The following DOCK3 variants were observed in gnomAD, a reference collection of about 807,000 sequenced individuals.
The protein encoded by DOCK3 is dedicator of cytokinesis protein 3.
In DOCK3, 60 loss-of-function variants were observed where a neutral mutation model predicts 265.6. The observed-to-expected ratio is 0.23, with a 90% confidence interval of 0.18 to 0.28. The LOEUF (loss-of-function observed/expected upper bound fraction) is 0.28, where lower values mean the gene tolerates loss of function less well. Ranked by LOEUF, DOCK3 falls within the 10% of genes least tolerant of loss-of-function variation. The pLI, the probability that DOCK3 is intolerant of heterozygous loss-of-function variation, is 1.00. For synonymous variants in DOCK3, 881 were observed against 938.0 expected (o/e 0.94, Z 1.11); for missense variants, 1,981 against 2,594.3 (o/e 0.76, Z 5.14).
At chr3:50,878,342 A>G (rs1255692465) in intron 3 of DOCK3, among the ~76,000 whole-genome samples, 3 of 152,222 alleles carry the variant, frequency 2.0e-5, no homozygotes, top group African/African-American at 7.2e-5. Context: ...GAGCTAAAGG[A>G]GGATATTTGA....
At chr3:51,194,544 C>G (rs1349013549) in intron 12 of DOCK3, among the ~76,000 whole-genome samples, 1 of 152,076 alleles carries the variant, frequency 6.6e-6, no homozygotes, top group South Asian at 2.1e-4. Context: ...TTATCTCTCT[C>G]TTTAGCTTTA....
intron 31 of DOCK3, among the ~76,000 whole-genome samples, chr3:51,314,385 A>G (rs936525723): frequency 6.6e-6 from 1 of 152,230 alleles, no homozygotes; most frequent in African/African-American, 2.4e-5. Flanking sequence ...TAAAGAGAGA[A>G]TCTCTAAGCC....
chr3:50,751,819 G>A (rs561227048), intron 1 of DOCK3, among the ~76,000 whole-genome samples: 2 of 152,256 alleles, frequency 1.3e-5, no homozygotes, highest in Non-Finnish European at 1.5e-5. Flanking sequence ...GGAAGGCAAA[G>A]GGGAAGCAAG....
At chr3:51,312,656 C>T in intron 30 of DOCK3, 80 bp downstream of exon 30, 2 of 1,379,772 alleles carry the variant, frequency 1.4e-6, no homozygotes, top group East Asian at 4.7e-5. Flanking sequence ...TTTCAGAGGT[C>T]CACAAGGTTC....
chr3:51,302,318 T>C (rs2082401438), intron 27 of DOCK3, among the ~76,000 whole-genome samples: 1 of 152,230 alleles, frequency 6.6e-6, no homozygotes, highest in Admixed American at 6.5e-5. Context: ...AGCCTACGTG[T>C]ATCTTTGCAC....
chr3:50,906,743 A>G (rs1436209359), intron 4 of DOCK3, among the ~76,000 whole-genome samples: 56 of 151,542 alleles, frequency 3.7e-4, no homozygotes, highest in Non-Finnish European at 7.4e-4. Context: ...GTTTTTTTGT[A>G]TCTCTATCTC....
At chr3:51,312,189 C>T in intron 29 of DOCK3, 110 bp downstream of exon 29, 1 of 1,006,792 alleles carries the variant, frequency 9.9e-7, no homozygotes, top group African/African-American at 1.6e-5. Flanking sequence ...CAAACAGCTT[C>T]CAAGCCTGAT....
intron 5 of DOCK3, among the ~76,000 whole-genome samples, chr3:51,057,592 G>A (rs2081253734): frequency 6.6e-6 from 1 of 152,192 alleles, no homozygotes; most frequent in Non-Finnish European, 1.5e-5. Flanking sequence ...CAGCTGTTTT[G>A]TGGCATCAGA....
At chr3:50,889,341 C>T (rs2048527527) in intron 3 of DOCK3, among the ~76,000 whole-genome samples, 1 of 151,762 alleles carries the variant, frequency 6.6e-6, no homozygotes, top group African/African-American at 2.4e-5. Flanking sequence ...ACTTTAGGCT[C>T]CTAAAGCACT....
chr3:51,366,461 T>G (rs1422000798), intron 49 of DOCK3, among the ~76,000 whole-genome samples: 1 of 152,234 alleles, frequency 6.6e-6, no homozygotes, highest in Non-Finnish European at 1.5e-5. Context: ...CATTTATTTT[T>G]GAAGGGTTTT....
intron 5 of DOCK3, among the ~76,000 whole-genome samples, chr3:51,029,907 A>G (rs991500297): frequency 1.3e-5 from 2 of 150,758 alleles, no homozygotes; most frequent in Non-Finnish European, 2.9e-5. Flanking sequence ...CAAGGTGGCC[A>G]CCTGGTTCTC....
intron 5 of DOCK3, among the ~76,000 whole-genome samples, chr3:51,063,953 G>C (rs1336100107): frequency 6.6e-6 from 1 of 152,206 alleles, no homozygotes. Context: ...GAAATCAGGA[G>C]TGAATTTCAC....
chr3:50,904,448 C>G (rs888673067), intron 4 of DOCK3, among the ~76,000 whole-genome samples: 1 of 152,112 alleles, frequency 6.6e-6, no homozygotes, highest in Non-Finnish European at 1.5e-5. Context: ...TTTTAATGAT[C>G]GCCATTCTAA....
intron 5 of DOCK3, among the ~76,000 whole-genome samples, chr3:51,036,347 T>C (rs1673943766): frequency 2.0e-5 from 3 of 152,214 alleles, no homozygotes; most frequent in Admixed American, 2.0e-4. Flanking sequence ...TCTGGTACCC[T>C]ATGGCTATAA....
chr3:51,014,722 A>C (rs1020616391), intron 5 of DOCK3, among the ~76,000 whole-genome samples: 5 of 152,102 alleles, frequency 3.3e-5, no homozygotes, highest in African/African-American at 9.7e-5. Context: ...GATTGCATTG[A>C]ATCAGTAGAT....
intron 2 of DOCK3, among the ~76,000 whole-genome samples, chr3:50,820,824 CT>C (rs56022017): frequency 8.9e-4 from 117 of 131,226 alleles, no homozygotes; most frequent in East Asian, 2.3e-3. Context: ...TTGCTGGCAT[CT>C]TTTTTTTTTT....
At chr3:50,721,528 A>G (rs1211733795) in intron 1 of DOCK3, among the ~76,000 whole-genome samples, 3 of 152,026 alleles carry the variant, frequency 2.0e-5, no homozygotes, top group Admixed American at 6.6e-5. Context: ...TGGGCTGTCT[A>G]TTCTGTTCAA....
chr3:50,791,302 C>T (rs189219951), intron 2 of DOCK3, among the ~76,000 whole-genome samples: 144 of 129,790 alleles, frequency 1.1e-3, no homozygotes, highest in Non-Finnish European at 1.9e-3. Context: ...CTTGCTCTGT[C>T]GCCCAGGATT....
At chr3:51,209,672 G>A (rs774368036) in intron 13 of DOCK3, among the ~76,000 whole-genome samples, 1 of 152,200 alleles carries the variant, frequency 6.6e-6, no homozygotes, top group Non-Finnish European at 1.5e-5. Flanking sequence ...GTCCTTAAAT[G>A]ACAGTGTAAA....
Sources: allele counts gnomAD v4.1 joint callset (sites outside exome capture counted in the v4.1 genomes callset), GRCh38; gene constraint gnomAD v4.1.1; transcripts MANE v1.5; gene names NCBI Gene and HGNC (gene_info 2026-07-23, HGNC 2026-07-21).